ALG13: variants seen among roughly 807,000 people sequenced by gnomAD.
The protein encoded by ALG13 is ALG13 UDP-N-acetylglucosaminyltransferase subunit.
A neutral mutation model predicts 87.8 loss-of-function variants in ALG13; 11 were observed. That is an observed-to-expected ratio of 0.13 (90% CI 0.08 to 0.21). The LOEUF (loss-of-function observed/expected upper bound fraction) is 0.21. Among genes scored for constraint, ALG13 ranks in the 10% least tolerant of loss-of-function variants. The pLI, the probability that ALG13 is intolerant of heterozygous loss-of-function variation, is 1.00. For synonymous variants in ALG13, 320 were observed against 306.3 expected (o/e 1.04, Z -0.47); for missense variants, 756 against 866.1 (o/e 0.87, Z 1.60).
intron 24 of ALG13, among the ~76,000 whole-genome samples, chrX:111,747,601 C>A (rs1293686189): frequency 9.0e-6 from 1 of 111,275 alleles, no homozygotes; most frequent in Non-Finnish European, 1.9e-5. Context: ...ATTCTCCTGC[C>A]TAAGCCTCCT....
Position 111,749,768 on chromosome X carries a change from A to G in ALG13, c.2933-3022A>G, listed in dbSNP as rs765495154. Among the ~76,000 whole-genome samples, 4 of 111,156 alleles carry G rather than the reference A, an allele frequency of 3.6e-5. 1 individual carries two copies. In the South Asian group the frequency reaches 1.5e-3, roughly 43 times the overall value. On this transcript the variant is annotated intron_variant, in intron 24 of 26. Coordinates refer to ENST00000394780, the MANE Select transcript of ALG13 (RefSeq NM_001099922.3). ...AGAATTTTAAAACTTTTATTTTCCA[A>G]TTTTGTCCTGTACATAAAAATAAAA...
chrX:111,755,577 T>C (rs1945166245), intron 25 of ALG13, among the ~76,000 whole-genome samples: 2 of 112,207 alleles, frequency 1.8e-5, no homozygotes, highest in African/African-American at 6.5e-5. Context: ...AACTTAAATT[T>C]ACAAGAAATA....
chrX:111,684,655 G>A (rs780423908), intron 2 of ALG13, among the ~76,000 whole-genome samples: 7 of 111,931 alleles, frequency 6.3e-5, no homozygotes, highest in Admixed American at 2.8e-4. Context: ...GTTATACCCC[G>A]TCACAAGGCT....
At chrX:111,721,832 TCTTA>T (rs762661007) in intron 12 of ALG13, 121 bp downstream of exon 12, 25 of 443,641 alleles carry the variant, frequency 5.6e-5, no homozygotes, top group Non-Finnish European at 9.8e-5. Context: ...ATGCTTTTTA[TCTTA>T]CTTTATATAT....
At chrX:111,693,699 A>T (rs1028242299) in intron 3 of ALG13, among the ~76,000 whole-genome samples, 1 of 111,991 alleles carries the variant, frequency 8.9e-6, no homozygotes, top group African/African-American at 3.2e-5. Flanking sequence ...ATTTTGATTG[A>T]CACTTGTATC....
Position 111,682,208 on chromosome X carries a change from C to A in ALG13, c.158C>A (p.Thr53Asn), listed in dbSNP as rs1402179440. 6 of 1,201,691 alleles carry A rather than the reference C, an allele frequency of 5.0e-6. No individual in the cohort carries two copies. Among genetic ancestry groups the A allele is most frequent in the Non-Finnish European group, 6.7e-6 (6 of 890,406 alleles). Residue 53 changes from threonine to asparagine, a missense_variant, in exon 2 of 27, where the codon ACT becomes AAT. Transcript: ENST00000394780. ...ACGGTGGTACCTGAACCCTTCAGTACTGAGTCGTTTACTCTGGATGTTTAC... is the reference window on the plus strand; with the variant it reads ...ACGGTGGTACCTGAACCCTTCAGTAATGAGTCGTTTACTCTGGATGTTTAC... Reference protein sequence around the residue: ...RGTVVPEPFSTESFTLDVYRY... With the variant: ...RGTVVPEPFSNESFTLDVYRY...
At chrX:111,702,315 C>T (rs1938025228) in intron 3 of ALG13, among the ~76,000 whole-genome samples, 2 of 111,522 alleles carry the variant, frequency 1.8e-5, no homozygotes, top group African/African-American at 6.5e-5. Flanking sequence ...TCCCCATTTT[C>T]CTTCCTATCC....
chrX:111,708,558 C>T (rs1939178066), intron 4 of ALG13, among the ~76,000 whole-genome samples, 165 bp downstream of exon 4: 1 of 111,733 alleles, frequency 8.9e-6, no homozygotes, highest in Admixed American at 9.5e-5. Context: ...TAGCTTGGTG[C>T]ATGCCTTTGC....
chrX:111,717,361 C>T (rs189227534), intron 8 of ALG13, among the ~76,000 whole-genome samples: 24 of 111,008 alleles, frequency 2.2e-4, no homozygotes, highest in Admixed American at 2.0e-3. Flanking sequence ...TGATATATTG[C>T]TATTCAGTTA....
At chrX:111,734,408 A>G (rs1300907512) in intron 21 of ALG13, 3 of 112,174 alleles carry the variant, frequency 2.7e-5, no homozygotes, top group Non-Finnish European at 5.6e-5. Flanking sequence ...GGAATTGTCC[A>G]TGTTAAGTGG....
At chrX:111,694,386 T>A (rs1187380322) in intron 3 of ALG13, among the ~76,000 whole-genome samples, 1 of 112,508 alleles carries the variant, frequency 8.9e-6, no homozygotes, top group East Asian at 2.8e-4. Context: ...ATTCAATACT[T>A]TTTTTGTTTA....
At position 111,759,783 on chromosome X, in the gene ALG13, T is replaced by C; in HGVS notation, c.3198T>C (p.Tyr1066=). 8.3e-7 allele frequency: 1 copy of C among 1,209,437 alleles called. No individual in the cohort carries two copies. The highest frequency in any genetic ancestry group is 3.0e-5 in the East Asian group (1 of 33,771). The change falls in exon 27 of 27, where the codon TAT becomes TAC. Residue 1066 remains tyrosine, a synonymous_variant. Coordinates refer to ENST00000394780, the MANE Select transcript of ALG13 (RefSeq NM_001099922.3). ...CATCTGTCCCTCATGGAGCAGTCTA[T>C]TATCCAGTAATGTCAGATCCCTATG... is the stretch of plus-strand genomic sequence containing the variant. The part of the protein sequence containing the change: ...DSSSVPHGAV[Y]YPVMSDPYGQ...
chrX:111,684,600 T>C (rs1377927487), intron 2 of ALG13, among the ~76,000 whole-genome samples: 1 of 112,002 alleles, frequency 8.9e-6, no homozygotes, highest in African/African-American at 3.3e-5. Flanking sequence ...GTTGGGATTG[T>C]AGGCATAAGC....
intron 24 of ALG13, among the ~76,000 whole-genome samples, chrX:111,746,853 C>G (rs945535115): frequency 1.8e-5 from 2 of 111,807 alleles, no homozygotes; most frequent in African/African-American, 6.5e-5. Context: ...ATTGTCGCCA[C>G]ACTCCTTAAC....
chrX:111,718,383 C>A, intron 10 of ALG13, 109 bp downstream of exon 10: 1 of 609,633 alleles, frequency 1.6e-6, no homozygotes. Flanking sequence ...TACATATTCA[C>A]ACGTACACAT....
rs1847667328 is a variant in ALG13, at chrX:111,711,828, A to C, written c.885+103A>C. ...ATTTTAGCCAGACCCCAAATATTTT[A>C]TTTAGTAGCCAGCTGTGTTGAATCC... On this transcript the variant is annotated intron_variant, in intron 6 of 26. Coordinates refer to ENST00000394780, the MANE Select transcript of ALG13 (RefSeq NM_001099922.3). The C allele has an allele frequency of 3.8e-6, 3 of 786,103 alleles. No homozygotes were observed. In the African/African-American group the frequency reaches 6.3e-5, roughly 17 times the overall value. 64.8% of individuals were successfully genotyped at this position (786,103 alleles called of 1,213,427 possible).
intron 14 of ALG13, 126 bp from the exon 15 acceptor site, chrX:111,724,804 TAAAC>T (rs769541348): frequency 2.9e-6 from 2 of 686,313 alleles, no homozygotes; most frequent in East Asian, 3.4e-5. Context: ...AATAAAAAAT[TAAAC>T]AAGGAAACTG....
At chrX:111,692,880 C>G (rs1298292785) in intron 3 of ALG13, among the ~76,000 whole-genome samples, 1 of 110,346 alleles carries the variant, frequency 9.1e-6, no homozygotes, top group African/African-American at 3.3e-5. Context: ...CCTCTGCCTC[C>G]CCTGGTCAAG....
chrX:111,752,986 G>T (rs1944894049), intron 25 of ALG13, 156 bp downstream of exon 25: 5 of 410,354 alleles, frequency 1.2e-5, no homozygotes, highest in African/African-American at 2.6e-5. Context: ...TAGTTCAGTT[G>T]TCTGCTTTAG....
Sources: gnomAD v4.1 joint callset for allele counts (sites outside exome capture counted in the v4.1 genomes callset) on GRCh38, gnomAD v4.1.1 for gene constraint, MANE v1.5 for transcripts, NCBI Gene and HGNC (gene_info 2026-07-23, HGNC 2026-07-21) for gene names.